The following CDH12 variants were observed in gnomAD, a reference collection of about 807,000 sequenced individuals.
CDH12 encodes the protein cadherin 12, also known as cadherin-12.
In CDH12, 41 loss-of-function variants were observed where a neutral mutation model predicts 74.1. The observed-to-expected ratio is 0.55, with a 90% CI of 0.43 to 0.72. The LOEUF is 0.72. Among genes scored for constraint, CDH12 ranks in the 30% least tolerant of loss-of-function variants. The pLI, the probability that CDH12 is intolerant of heterozygous loss-of-function variation, is 0.00. For missense variants in CDH12, 945 were observed against 977.2 expected (o/e 0.97, Z 0.44); for synonymous variants, 399 against 355.0 (o/e 1.12, Z -1.39).
At chr5:22,185,828 T>G (rs184919140) in intron 4 of CDH12, among the ~76,000 whole-genome samples, 9 of 152,320 alleles carry the variant, frequency 5.9e-5, no homozygotes, top group African/African-American at 2.2e-4. Flanking sequence ...AAGATTTATA[T>G]CTATATGCCA....
At chr5:22,259,578 G>T (rs1408564020) in intron 3 of CDH12, among the ~76,000 whole-genome samples, 2 of 151,950 alleles carry the variant, frequency 1.3e-5, no homozygotes, top group African/African-American at 2.4e-5. Flanking sequence ...TTAATTTGTT[G>T]TCCAATGAAA....
At chr5:22,283,225 T>C (rs1580479444) in intron 3 of CDH12, among the ~76,000 whole-genome samples, 6 of 47,472 alleles carry the variant, frequency 1.3e-4, no homozygotes, top group African/African-American at 6.3e-4. Flanking sequence ...TAGATATATA[T>C]ATATATATAT....
At chr5:22,708,371 A>C (rs1580910745) in intron 1 of CDH12, among the ~76,000 whole-genome samples, 2 of 152,328 alleles carry the variant, frequency 1.3e-5, no homozygotes, top group East Asian at 3.9e-4. Flanking sequence ...ATAAAATAAC[A>C]ATTCTTCTAA....
At chr5:22,603,959 A>C (rs148914073) in intron 1 of CDH12, among the ~76,000 whole-genome samples, 1 of 152,302 alleles carries the variant, frequency 6.6e-6, no homozygotes, top group Non-Finnish European at 1.5e-5. Context: ...GAGGCCAGAG[A>C]GAGAGAAGCA....
intron 8 of CDH12, among the ~76,000 whole-genome samples, chr5:21,837,711 G>GT (rs902377572): frequency 6.6e-6 from 1 of 151,994 alleles, no homozygotes; most frequent in Non-Finnish European, 1.5e-5. Flanking sequence ...GTTTTGTTCT[G>GT]TTTTTTCCTC....
intron 1 of CDH12, among the ~76,000 whole-genome samples, chr5:22,816,980 A>T (rs1281191765): frequency 6.6e-6 from 1 of 152,166 alleles, no homozygotes; most frequent in East Asian, 1.9e-4. Flanking sequence ...TCTCAACATT[A>T]CTACTTAGAA....
intron 11 of CDH12, among the ~76,000 whole-genome samples, chr5:21,782,057 C>T (rs1418924555): frequency 6.6e-6 from 1 of 152,126 alleles, no homozygotes; most frequent in Non-Finnish European, 1.5e-5. Context: ...CATTGATGAA[C>T]TTTACACTGT....
chr5:21,800,502 T>C (rs1747050282), intron 10 of CDH12, among the ~76,000 whole-genome samples: 1 of 152,154 alleles, frequency 6.6e-6, no homozygotes, highest in African/African-American at 2.4e-5. Flanking sequence ...AAAGGGACTC[T>C]AGAGAGAGCT....
chr5:22,654,274 T>TACGTACTTCTTTCTTTCTTTC (rs1739906589), intron 1 of CDH12, among the ~76,000 whole-genome samples: 1 of 151,408 alleles, frequency 6.6e-6, no homozygotes, highest in Non-Finnish European at 1.5e-5. Context: ...TTCTTTCTTT[T>TACGTACTTCTTTCTTTCTTTC]ACGTATTTCT....
chr5:22,820,528 T>G (rs997165009), intron 1 of CDH12, among the ~76,000 whole-genome samples: 1 of 151,824 alleles, frequency 6.6e-6, no homozygotes, highest in East Asian at 1.9e-4. Flanking sequence ...ATCAAATAGA[T>G]GCAATAAAAA....
intron 3 of CDH12, among the ~76,000 whole-genome samples, chr5:22,339,194 T>A (rs1484350573): frequency 2.0e-5 from 3 of 152,198 alleles, no homozygotes; most frequent in Non-Finnish European, 2.9e-5. Flanking sequence ...TAGAAAGTAC[T>A]GTCTGGAAAG....
At chr5:22,567,647 G>C (rs889920618) in intron 1 of CDH12, among the ~76,000 whole-genome samples, 1 of 152,148 alleles carries the variant, frequency 6.6e-6, no homozygotes, top group Admixed American at 6.6e-5. Context: ...CAGGCAAACT[G>C]AACTAGTGTA....
chr5:22,580,449 A>T, intron 1 of CDH12: 1 of 512,526 alleles, frequency 2.0e-6, no homozygotes, highest in Non-Finnish European at 4.0e-6. Flanking sequence ...CCACTTGACA[A>T]ACCTGGCGAC....
intron 4 of CDH12, among the ~76,000 whole-genome samples, chr5:22,201,316 A>C (rs1326251168): frequency 2.0e-5 from 3 of 152,206 alleles, no homozygotes; most frequent in Non-Finnish European, 4.4e-5. Context: ...AATGTGGTGT[A>C]TATACAAAAC....
At chr5:21,835,252 T>G (rs2149977423) in intron 8 of CDH12, among the ~76,000 whole-genome samples, 1 of 152,024 alleles carries the variant, frequency 6.6e-6, no homozygotes, top group Middle Eastern at 3.4e-3. Flanking sequence ...ATTTCATGAC[T>G]TTGAGACTAT....
chr5:22,356,525 G>T (rs961976970), intron 3 of CDH12, among the ~76,000 whole-genome samples: 1 of 152,042 alleles, frequency 6.6e-6, no homozygotes, highest in African/African-American at 2.4e-5. Flanking sequence ...TCCACAATTT[G>T]TTTATTAATT....
chr5:22,318,401 C>G (rs1738720471), intron 3 of CDH12, among the ~76,000 whole-genome samples: 1 of 152,152 alleles, frequency 6.6e-6, no homozygotes, highest in African/African-American at 2.4e-5. Context: ...AACATATGTG[C>G]ACTGTTGCAA....
intron 1 of CDH12, among the ~76,000 whole-genome samples, chr5:22,737,282 A>G (rs1186279190): frequency 6.6e-6 from 1 of 151,930 alleles, no homozygotes; most frequent in South Asian, 2.1e-4. Context: ...CATAAAATGA[A>G]TAATATGTTT....
intron 4 of CDH12, among the ~76,000 whole-genome samples, chr5:22,091,410 G>A (rs1032341955): frequency 4.6e-5 from 7 of 150,632 alleles, no homozygotes; most frequent in Non-Finnish European, 1.0e-4. Flanking sequence ...AAAATTGAAT[G>A]CCATTAAAAA....
Sources: gnomAD v4.1 joint callset for allele counts (sites outside exome capture counted in the v4.1 genomes callset) on GRCh38, gnomAD v4.1.1 for gene constraint, MANE v1.5 for transcripts, NCBI Gene and HGNC (gene_info 2026-07-23, HGNC 2026-07-21) for gene names.